GPC6: variants seen among roughly 807,000 people sequenced by gnomAD.
The protein encoded by GPC6 is glypican-6.
In GPC6, 14 loss-of-function variants were observed where a neutral mutation model predicts 55.2. That is an observed-to-expected ratio of 0.25 (90% CI 0.17 to 0.40). The LOEUF is 0.40. GPC6 is among the 10% of genes least tolerant of loss of function. The pLI is 1.00. For synonymous variants in GPC6, 278 were observed against 259.6 expected (o/e 1.07, Z -0.68); for missense variants, 641 against 708.5 (o/e 0.90, Z 1.08).
At chr13:93,430,095 G>C (rs546792723) in intron 1 of GPC6, among the ~76,000 whole-genome samples, 1 of 152,220 alleles carries the variant, frequency 6.6e-6, no homozygotes, top group South Asian at 2.1e-4. Flanking sequence ...GACTGTATGG[G>C]AGTGAATTCT....
At chr13:93,424,475 G>T (rs567961470) in intron 1 of GPC6, among the ~76,000 whole-genome samples, 1 of 152,204 alleles carries the variant, frequency 6.6e-6, no homozygotes, top group Non-Finnish European at 1.5e-5. Context: ...CCATCCTGAT[G>T]CGGGGATCTG....
intron 4 of GPC6, among the ~76,000 whole-genome samples, chr13:94,272,455 TTTCTTTTC>T (rs1268791189): frequency 7.5e-6 from 1 of 133,248 alleles, no homozygotes; most frequent in African/African-American, 3.5e-5. Flanking sequence ...TTTCTTTTCT[TTTCTTTTC>T]TTTTTTTTTT....
chr13:93,804,107 T>C (rs1240881904), intron 2 of GPC6, among the ~76,000 whole-genome samples: 1 of 151,016 alleles, frequency 6.6e-6, no homozygotes, highest in East Asian at 1.9e-4. Flanking sequence ...AATAAAACTG[T>C]TTTTAAAAAG....
intron 4 of GPC6, among the ~76,000 whole-genome samples, chr13:94,128,406 A>G (rs921780811): frequency 3.9e-5 from 6 of 152,208 alleles, no homozygotes; most frequent in African/African-American, 1.4e-4. Context: ...GTGATAATAG[A>G]CAACTTCAAA....
At chr13:93,851,660 T>C (rs1888405914) in intron 3 of GPC6, among the ~76,000 whole-genome samples, 1 of 151,872 alleles carries the variant, frequency 6.6e-6, no homozygotes, top group African/African-American at 2.4e-5. Context: ...AGAATTATGT[T>C]TAAAATTTAA....
At chr13:93,820,896 G>A (rs973142388) in intron 2 of GPC6, among the ~76,000 whole-genome samples, 4 of 152,098 alleles carry the variant, frequency 2.6e-5, no homozygotes. Context: ...ATAAAGAGAT[G>A]AGTGCATTGT....
At chr13:93,239,311 G>A (rs969893051) in intron 1 of GPC6, among the ~76,000 whole-genome samples, 7 of 151,600 alleles carry the variant, frequency 4.6e-5, no homozygotes, top group Non-Finnish European at 8.9e-5. Context: ...TCAAGCTTGG[G>A]GTTTTGTGTT....
chr13:93,302,759 AGTCAAGG>A (rs1213763364), intron 1 of GPC6, among the ~76,000 whole-genome samples: 1 of 152,176 alleles, frequency 6.6e-6, no homozygotes, highest in Non-Finnish European at 1.5e-5. Context: ...CTTCTAGTGG[AGTCAAGG>A]CATAGCATTT....
intron 4 of GPC6, among the ~76,000 whole-genome samples, chr13:94,246,855 C>G (rs1032013552): frequency 4.6e-5 from 7 of 151,638 alleles, no homozygotes; most frequent in African/African-American, 1.5e-4. Flanking sequence ...TATTTAGGGT[C>G]TTTTGTGGTT....
At chr13:93,841,351 G>A (rs1365691056) in intron 3 of GPC6, among the ~76,000 whole-genome samples, 3 of 152,112 alleles carry the variant, frequency 2.0e-5, no homozygotes, top group Admixed American at 1.3e-4. Flanking sequence ...GTAAGAAAGA[G>A]GGGGGTATGT....
intron 1 of GPC6, among the ~76,000 whole-genome samples, chr13:93,443,559 G>C (rs1171019118): frequency 6.6e-6 from 1 of 152,100 alleles, no homozygotes; most frequent in African/African-American, 2.4e-5. Flanking sequence ...AGAAGACCAG[G>C]CATATTCACA....
At chr13:94,006,728 A>T (rs1882034451) in intron 3 of GPC6, among the ~76,000 whole-genome samples, 1 of 152,168 alleles carries the variant, frequency 6.6e-6, no homozygotes, top group Non-Finnish European at 1.5e-5. Flanking sequence ...ACGACTTTGG[A>T]CAAGGTATTT....
chr13:93,719,310 G>A (rs1883365555), intron 2 of GPC6, among the ~76,000 whole-genome samples: 1 of 151,978 alleles, frequency 6.6e-6, no homozygotes, highest in African/African-American at 2.4e-5. Context: ...TCCCTTGTCA[G>A]TTTTATTTCT....
At chr13:94,247,823 T>C (rs1339095662) in intron 4 of GPC6, among the ~76,000 whole-genome samples, 3 of 152,062 alleles carry the variant, frequency 2.0e-5, no homozygotes, top group African/African-American at 7.2e-5. Context: ...TTTCTTTTTT[T>C]CTTTTCTTCT....
intron 4 of GPC6, among the ~76,000 whole-genome samples, chr13:94,135,979 A>C (rs1391307557): frequency 6.6e-6 from 1 of 152,202 alleles, no homozygotes; most frequent in Non-Finnish European, 1.5e-5. Context: ...CTCAGCCTGC[A>C]GATCTTCCTA....
chr13:93,440,278 AT>A lies in GPC6; in HGVS notation c.161-104983del, dbSNP rs1381446062. On this transcript the variant is annotated intron_variant, in intron 1 of 8. Coordinates refer to ENST00000377047, the MANE Select transcript of GPC6 (RefSeq NM_005708.5). The stretch of plus-strand genomic sequence containing the variant: ...GGAACTCCCTGTCACAAGTTGGGCA[AT>A]TACAGGCGAGAGTTTTGTTACCTCC... Among the ~76,000 whole-genome samples the A allele has an allele frequency of 3.3e-5, 5 of 152,310 alleles. No homozygotes were observed. The East Asian group carries it at 9.6e-4, about 29-fold the overall frequency.
chr13:93,896,020 T>A (rs1566591448), intron 3 of GPC6, among the ~76,000 whole-genome samples: 1 of 152,140 alleles, frequency 6.6e-6, no homozygotes, highest in East Asian at 1.9e-4. Context: ...AGTGTATATT[T>A]AAAAATAACT....
At chr13:93,998,570 A>G (rs1440814025) in intron 3 of GPC6, among the ~76,000 whole-genome samples, 1 of 152,160 alleles carries the variant, frequency 6.6e-6, no homozygotes, top group Non-Finnish European at 1.5e-5. Flanking sequence ...GTGGGGATAG[A>G]ATGGAACAGA....
intron 3 of GPC6, among the ~76,000 whole-genome samples, chr13:94,018,883 G>A (rs1288037273): frequency 6.6e-6 from 1 of 152,118 alleles, no homozygotes; most frequent in African/African-American, 2.4e-5. Context: ...CTCCTTATGA[G>A]AATCTAACTA....
Sources: gnomAD v4.1 joint callset for allele counts (sites outside exome capture counted in the v4.1 genomes callset) on GRCh38, gnomAD v4.1.1 for gene constraint, MANE v1.5 for transcripts, NCBI Gene and HGNC (gene_info 2026-07-23, HGNC 2026-07-21) for gene names.